PPP1R7: variants seen among roughly 807,000 people sequenced by gnomAD.
The protein encoded by PPP1R7 is protein phosphatase 1 regulatory subunit 7, also known as protein phosphatase 1 regulatory subunit 22.
PPP1R7 carries 18 observed loss-of-function variants against 45.2 expected under a neutral mutation model. The observed-to-expected ratio is 0.40, with a 90% CI of 0.28 to 0.59. The LOEUF (loss-of-function observed/expected upper bound fraction) is 0.59, where lower values mean the gene tolerates loss of function less well. Ranked by LOEUF, PPP1R7 falls within the 20% of genes least tolerant of loss-of-function variation. PPP1R7 has a pLI of 0.46. For synonymous variants in PPP1R7, 181 were observed against 183.4 expected (o/e 0.99, Z 0.11); for missense variants, 314 against 455.8 (o/e 0.69, Z 2.83).
chr2:241,174,926 T>G (rs1474536019), intron 9 of PPP1R7, among the ~76,000 whole-genome samples: 1 of 152,112 alleles, frequency 6.6e-6, no homozygotes, highest in African/African-American at 2.4e-5. Context: ...CCGCCCGCCT[T>G]GGCCTCCCCA....
intron 1 of PPP1R7, among the ~76,000 whole-genome samples, chr2:241,151,156 ATG>A (rs2067288675): frequency 2.0e-5 from 3 of 152,224 alleles, no homozygotes; most frequent in Admixed American, 6.5e-5. Flanking sequence ...ATACGTACAC[ATG>A]TGTTTATAAT....
intron 1 of PPP1R7, among the ~76,000 whole-genome samples, chr2:241,151,752 C>G (rs1471553499): frequency 6.6e-6 from 1 of 152,154 alleles, no homozygotes; most frequent in African/African-American, 2.4e-5. Flanking sequence ...CCACCCATGT[C>G]CTGTTAGTCA....
In PPP1R7 at chr2:241,157,712, C is replaced by G. The variant is rs2067489695; in HGVS notation, c.182-95C>G. ...CCTCGGGGTTTGAGCTGGCTCTGGG[C>G]ACCAAACAGCCCCAGACCTCAGCCA... On this transcript the variant is annotated intron_variant, in intron 2 of 9. Coordinates refer to ENST00000234038, the MANE Select transcript of PPP1R7 (RefSeq NM_002712.3). 2.4e-6 allele frequency: 3 copies of G among 1,237,596 alleles called. 1 individual carries two copies. In the South Asian group the frequency reaches 3.9e-5, roughly 16 times the overall value. 76.7% of individuals were successfully genotyped at this position (1,237,596 alleles called of 1,614,324 possible). A position where few individuals can be genotyped will look rare whatever the true frequency, so the allele number is the denominator to read the frequency against.
chr2:241,158,606 C>T (rs544438012), intron 4 of PPP1R7, 57 bp downstream of exon 4: 2 of 1,539,782 alleles, frequency 1.3e-6, no homozygotes, highest in South Asian at 2.2e-5. Flanking sequence ...GTGGATAAGT[C>T]CAGAATCGAG....
upstream of PPP1R7, chr2:241,150,321 G>A: frequency 7.5e-7 from 1 of 1,329,872 alleles, no homozygotes; most frequent in Non-Finnish European, 9.6e-7. Context: ...GGGAGGCGCG[G>A]CGCGCGGCCT....
intron 9 of PPP1R7, among the ~76,000 whole-genome samples, chr2:241,175,072 A>T (rs1305672372): frequency 1.3e-5 from 2 of 152,112 alleles, no homozygotes; most frequent in Admixed American, 6.6e-5. Flanking sequence ...TATTTATCTT[A>T]CTTTTGTGTC....
intron 6 of PPP1R7, among the ~76,000 whole-genome samples, 161 bp from the exon 7 acceptor site, chr2:241,163,124 A>G (rs766425580): frequency 5.3e-5 from 8 of 152,250 alleles, no homozygotes; most frequent in African/African-American, 1.7e-4. Context: ...ATTGTATTCT[A>G]CCTTCAAGTA....
At chr2:241,180,953 C>G (rs1342644071) in intron 9 of PPP1R7, among the ~76,000 whole-genome samples, 1 of 152,174 alleles carries the variant, frequency 6.6e-6, no homozygotes, top group African/African-American at 2.4e-5. Context: ...AATCCCAGCA[C>G]TTTGGGAGGC....
chr2:241,172,165 T>TC (rs1399610594), intron 9 of PPP1R7, among the ~76,000 whole-genome samples: 1 of 152,010 alleles, frequency 6.6e-6, no homozygotes, highest in African/African-American at 2.4e-5. Context: ...TTTTTTTTTT[T>TC]TGCAGTCTAT....
At chr2:241,151,603 G>T in intron 1 of PPP1R7, 2 of 470,864 alleles carry the variant, frequency 4.2e-6, no homozygotes, top group Non-Finnish European at 4.4e-6. Context: ...GGGGGCGGTA[G>T]TGTTAAGGGT....
At chr2:241,179,383 A>C (rs139653586) in intron 9 of PPP1R7, among the ~76,000 whole-genome samples, 79 of 152,352 alleles carry the variant, frequency 5.2e-4, no homozygotes, top group Admixed American at 1.9e-3. Flanking sequence ...CTGTGTCCCC[A>C]GTGTGAGTCA....
intron 2 of PPP1R7, among the ~76,000 whole-genome samples, chr2:241,153,892 ACATTGTTGGC>A (rs2067380310): frequency 6.6e-6 from 1 of 152,128 alleles, no homozygotes; most frequent in South Asian, 2.1e-4. Flanking sequence ...CAGAACCATG[ACATTGTTGGC>A]CAGATGCAGT....
At chr2:241,154,547 AAAG>A (rs1264866702) in intron 2 of PPP1R7, among the ~76,000 whole-genome samples, 1 of 152,058 alleles carries the variant, frequency 6.6e-6, no homozygotes, top group East Asian at 1.9e-4. Context: ...AAAAAGAAAA[AAAG>A]AAAAATTAGC....
chr2:241,168,330 T>C (rs2067755994), intron 8 of PPP1R7, among the ~76,000 whole-genome samples: 2 of 152,220 alleles, frequency 1.3e-5, no homozygotes, highest in Middle Eastern at 3.4e-3. Flanking sequence ...TGCTTGGACC[T>C]CACGAGGCTC....
At chr2:241,154,179 CAAAAA>C (rs1167747738) in intron 2 of PPP1R7, among the ~76,000 whole-genome samples, 10 of 50,486 alleles carry the variant, frequency 2.0e-4, no homozygotes, top group Middle Eastern at 0.013. Flanking sequence ...TACTCCTTCT[CAAAAA>C]AAAAAAAAAA....
intron 9 of PPP1R7, among the ~76,000 whole-genome samples, chr2:241,173,718 C>A (rs1449633703): frequency 6.6e-6 from 1 of 152,232 alleles, no homozygotes; most frequent in Non-Finnish European, 1.5e-5. Flanking sequence ...ACTAGCGAGG[C>A]CCCTGAGGCC....
At chr2:241,166,644 G>A (rs978954955) in intron 8 of PPP1R7, among the ~76,000 whole-genome samples, 1 of 152,250 alleles carries the variant, frequency 6.6e-6, no homozygotes, top group Middle Eastern at 3.2e-3. Context: ...GTGTGTGCCT[G>A]TTGGCCCTCT....
intron 9 of PPP1R7, among the ~76,000 whole-genome samples, chr2:241,179,648 A>G (rs2067966932): frequency 6.6e-6 from 1 of 152,204 alleles, no homozygotes. Context: ...CTCCCCAGCC[A>G]GGCTCCCTGA....
At position 241,163,399 on chromosome 2, in the gene PPP1R7, C is replaced by CAG; in HGVS notation, c.713_714dup (p.Ser239ArgfsTer5). On this transcript the variant is annotated frameshift_variant and splice_region_variant, in exon 7 of 10. Transcript: ENST00000234038. LOFTEE classifies it high-confidence loss of function. Reference sequence around the variant, plus strand: ...CACCAACCTGACAGTCCTCAGTATGCAGGTACGGAGCTTCCTGAGCCGCCC... The same window carrying CAG: ...CACCAACCTGACAGTCCTCAGTATGCAGAGGTACGGAGCTTCCTGAGCCGCCC... The CAG allele has an allele frequency of 6.2e-7, 1 of 1,605,606 alleles. No individual in the cohort carries two copies. Among genetic ancestry groups the CAG allele is most frequent in the Non-Finnish European group, 8.5e-7 (1 of 1,172,330 alleles).
Sources: gnomAD v4.1 joint callset for allele counts (sites outside exome capture counted in the v4.1 genomes callset) on GRCh38, gnomAD v4.1.1 for gene constraint, MANE v1.5 for transcripts, NCBI Gene and HGNC (gene_info 2026-07-23, HGNC 2026-07-21) for gene names.